TAF3: variants seen among roughly 807,000 people sequenced by gnomAD.
TAF3 encodes TATA-box binding protein associated factor 3.
Under a neutral mutation model 80.6 loss-of-function variants are expected in TAF3, and 7 were observed. The ratio of observed to expected loss-of-function variants is 0.09; its 90% CI spans 0.05 to 0.16. The LOEUF (loss-of-function observed/expected upper bound fraction) is 0.16, where lower values mean the gene tolerates loss of function less well. Among genes scored for constraint, TAF3 ranks in the 10% least tolerant of loss-of-function variants. The probability of loss-of-function intolerance (pLI) is 1.00; values close to 1 mark genes in which losing one functional copy is unlikely to be tolerated. For missense variants in TAF3, 921 were observed against 1,140.2 expected, an observed-to-expected ratio of 0.81 and a Z score of 2.77; for synonymous variants, 444 against 446.1, an observed-to-expected ratio of 1.00 and a Z score of 0.06.
At chr10:7,971,954 C>T (rs773869694) in intron 3 of TAF3, among the ~76,000 whole-genome samples, 2 of 152,156 alleles carry the variant, frequency 1.3e-5, no homozygotes, top group Non-Finnish European at 2.9e-5. Context: ...TTTTAGTTAC[C>T]TACAAAGGAG....
chr10:7,837,214 T>A (rs910472637), intron 2 of TAF3, among the ~76,000 whole-genome samples: 2 of 152,026 alleles, frequency 1.3e-5, no homozygotes, highest in Non-Finnish European at 2.9e-5. Flanking sequence ...AATACAAAAT[T>A]TAGCTGGACA....
chr10:7,962,539 A>G (rs1831519298), intron 2 of TAF3, among the ~76,000 whole-genome samples: 1 of 152,148 alleles, frequency 6.6e-6, no homozygotes, highest in South Asian at 2.1e-4. Flanking sequence ...CCTGCTTCCT[A>G]CTGCTCCCCA....
chr10:7,965,320 T>C lies in TAF3; in HGVS notation c.1810T>C (p.Leu604=), dbSNP rs777234997. 1.2e-5 allele frequency: 20 copies of C among 1,603,978 alleles called. No individual in the cohort carries two copies. Among genetic ancestry groups the C allele is most frequent in the Admixed American group, 3.5e-5 (2 of 57,678 alleles). The change falls in exon 3 of 7, where the codon TTG becomes CTG. Residue 604 remains leucine (L), a synonymous_variant. Transcript: ENST00000344293. The stretch of plus-strand genomic sequence containing the variant: ...TGAAGATGTTGATCCCAAAGTGAAA[T>C]TGAAAGATGGACTTGTGAGGAAGGA... The part of the protein sequence containing the change: ...EFEDVDPKVK[L]KDGLVRKEKE...
intron 2 of TAF3, among the ~76,000 whole-genome samples, chr10:7,861,676 T>C (rs563595327): frequency 1.3e-5 from 2 of 152,360 alleles, no homozygotes; most frequent in East Asian, 3.9e-4. Flanking sequence ...GTCATTTGTC[T>C]TACTGTTCCA....
At chr10:7,871,588 C>T (rs1837267423) in intron 2 of TAF3, among the ~76,000 whole-genome samples, 1 of 151,708 alleles carries the variant, frequency 6.6e-6, no homozygotes, top group Non-Finnish European at 1.5e-5. Flanking sequence ...GGATTATAGG[C>T]ATGTGCCACC....
At chr10:7,963,303 A>G (rs1411059105) in intron 2 of TAF3, among the ~76,000 whole-genome samples, 1 of 152,138 alleles carries the variant, frequency 6.6e-6, no homozygotes, top group Non-Finnish European at 1.5e-5. Flanking sequence ...TGCATGAGAG[A>G]GAGATAGAGA....
chr10:7,987,480 A>C (rs1006025324), intron 4 of TAF3, among the ~76,000 whole-genome samples: 1 of 152,156 alleles, frequency 6.6e-6, no homozygotes, highest in Non-Finnish European at 1.5e-5. Flanking sequence ...GTTTTCAAAC[A>C]TTTAAGTTGT....
At chr10:7,914,362 G>A (rs1837685747) in intron 2 of TAF3, among the ~76,000 whole-genome samples, 1 of 152,178 alleles carries the variant, frequency 6.6e-6, no homozygotes, top group African/African-American at 2.4e-5. Context: ...TGAAGCAGGT[G>A]TTTTCCCCCT....
intron 2 of TAF3, among the ~76,000 whole-genome samples, chr10:7,859,059 G>A (rs1392418497): frequency 1.3e-5 from 2 of 151,954 alleles, no homozygotes; most frequent in Admixed American, 6.6e-5. Flanking sequence ...TCAGGAGATC[G>A]AGACCATCCT....
intron 1 of TAF3, among the ~76,000 whole-genome samples, chr10:7,820,235 A>G (rs1416918130): frequency 2.0e-5 from 3 of 152,250 alleles, no homozygotes; most frequent in African/African-American, 7.2e-5. Context: ...TGCTTTCATA[A>G]TTCTGTGCAT....
intron 2 of TAF3, among the ~76,000 whole-genome samples, chr10:7,953,082 G>T (rs1211391476): frequency 6.6e-6 from 1 of 151,992 alleles, no homozygotes; most frequent in Non-Finnish European, 1.5e-5. Context: ...CCTCAGAGTA[G>T]CTTCCCAGCT....
intron 2 of TAF3, among the ~76,000 whole-genome samples, chr10:7,859,881 A>G (rs929853884): frequency 6.6e-6 from 1 of 152,198 alleles, no homozygotes; most frequent in African/African-American, 2.4e-5. Flanking sequence ...ATTATTTCAT[A>G]ATGATTATTA....
chr10:7,876,320 A>T (rs1414190267), intron 2 of TAF3, among the ~76,000 whole-genome samples: 1 of 152,224 alleles, frequency 6.6e-6, no homozygotes, highest in African/African-American at 2.4e-5. Context: ...CTTTAGCTTC[A>T]CATTTAGAGG....
At chr10:7,844,915 A>G (rs1267030435) in intron 2 of TAF3, among the ~76,000 whole-genome samples, 1 of 152,122 alleles carries the variant, frequency 6.6e-6, no homozygotes, top group South Asian at 2.1e-4. Context: ...GGCATTTTTA[A>G]TATTTTAAAA....
intron 4 of TAF3, among the ~76,000 whole-genome samples, chr10:8,002,281 C>T (rs915252289): frequency 3.3e-5 from 5 of 152,026 alleles, no homozygotes; most frequent in African/African-American, 1.2e-4. Flanking sequence ...TTTCTGTTTT[C>T]ATTGATATCC....
intron 2 of TAF3, among the ~76,000 whole-genome samples, chr10:7,951,763 A>G (rs1838085293): frequency 6.6e-6 from 1 of 152,226 alleles, no homozygotes; most frequent in African/African-American, 2.4e-5. Flanking sequence ...ACTGTTACTC[A>G]AAAGCCAAAG....
At chr10:8,001,355 G>A (rs1352087569) in intron 4 of TAF3, among the ~76,000 whole-genome samples, 1 of 152,068 alleles carries the variant, frequency 6.6e-6, no homozygotes, top group African/African-American at 2.4e-5. Context: ...TGATTACTAT[G>A]AAAATGGAAC....
intron 2 of TAF3, among the ~76,000 whole-genome samples, chr10:7,889,291 A>C (rs1482286589): frequency 6.6e-6 from 1 of 152,198 alleles, no homozygotes; most frequent in Non-Finnish European, 1.5e-5. Flanking sequence ...TCTCAGCTGT[A>C]CAGATATCTT....
intron 3 of TAF3, among the ~76,000 whole-genome samples, chr10:7,970,923 G>A (rs994289126): frequency 2.0e-5 from 3 of 152,014 alleles, no homozygotes; most frequent in Admixed American, 6.6e-5. Flanking sequence ...ATCAGCTATT[G>A]TAATTAATTC....
Sources: gnomAD v4.1 joint callset for allele counts (sites outside exome capture counted in the v4.1 genomes callset) on GRCh38, gnomAD v4.1.1 for gene constraint, MANE v1.5 for transcripts, NCBI Gene and HGNC (gene_info 2026-07-23, HGNC 2026-07-21) for gene names.